RYR1: variants seen among roughly 807,000 people sequenced by gnomAD.
RYR1 encodes the protein ryanodine receptor 1.
In RYR1, 342 loss-of-function variants were observed where a neutral mutation model predicts 583.5. That is an observed-to-expected ratio of 0.59 (90% CI 0.54 to 0.64). RYR1 has a LOEUF of 0.64. Ranked by LOEUF, RYR1 falls within the 30% of genes least tolerant of loss-of-function variation. The probability of loss-of-function intolerance (pLI) is 0.00; values close to 1 mark genes in which losing one functional copy is unlikely to be tolerated. For synonymous variants in RYR1, 2,791 were observed against 2,822.5 expected, an observed-to-expected ratio of 0.99 and a Z score of 0.35; for missense variants, 6,032 against 6,917.2, an observed-to-expected ratio of 0.87 and a Z score of 4.54.
intron 2 of RYR1, among the ~76,000 whole-genome samples, 188 bp from the exon 3 acceptor site, chr19:38,442,161 C>T (rs1400036836): frequency 1.6e-5 from 2 of 127,602 alleles, no homozygotes; most frequent in African/African-American, 3.0e-5. Flanking sequence ...GAGGTGTTTT[C>T]GTGATGTTGG....
rs527383883 is a variant in RYR1, at chr19:38,486,175, T to C, written c.5520T>C (p.Pro1840=). ...VGGSVEFQFV[P]VLKLVSTLLV... ...GCTCCGTGGAGTTCCAGTTTGTGCCTGTGCTCAAGCTCGTGTCCACCCTGC... is the reference window on the plus strand; with the variant it reads ...GCTCCGTGGAGTTCCAGTTTGTGCCCGTGCTCAAGCTCGTGTCCACCCTGC... Residue 1840 remains proline (P), a synonymous_variant, in exon 34 of 106, where the codon CCT becomes CCC. Transcript: ENST00000359596. The C allele has an allele frequency of 3.7e-6, 6 of 1,613,016 alleles. No individual in the cohort carries two copies. Among genetic ancestry groups the C allele is most frequent in the Non-Finnish European group, 5.1e-6 (6 of 1,179,942 alleles).
At chr19:38,455,778 T>C (rs1443332294) in intron 16 of RYR1, 27 bp downstream of exon 16, 1 of 1,370,892 alleles carries the variant, frequency 7.3e-7, no homozygotes, top group Non-Finnish European at 1.0e-6. Context: ...TGACCTCTCA[T>C]CCCCTGAACT....
chr19:38,516,185 T>C lies in RYR1; in HGVS notation c.9653T>C (p.Val3218Ala), dbSNP rs1281524830. 6.3e-7 allele frequency: 1 copy of C among 1,574,864 alleles called. No homozygotes were observed. Among genetic ancestry groups the C allele is most frequent in the Non-Finnish European group, 8.6e-7 (1 of 1,159,882 alleles). ...PQLNEYNACS[V>A]YTTKSPRERA... ...CTGAACGAGTACAACGCCTGCTCCG[T>C]GTACACCACCAAGTCTCCGCGGGAG... Residue 3218 changes from valine (V) to alanine (A), a missense_variant, in exon 65 of 106, where the codon GTG becomes GCG. By Grantham distance (64) the Val-to-Ala change is moderately conservative. Around this residue, in one of 11 missense-constraint regions of RYR1, gnomAD observed 1,493 missense variants for 1,715.5 expected, o/e 0.87. Transcript: ENST00000359596.
chr19:38,469,603 A>C, intron 27 of RYR1, 90 bp downstream of exon 27: 2 of 1,296,906 alleles, frequency 1.5e-6, no homozygotes, highest in Non-Finnish European at 1.1e-6. Context: ...TTTTCCCTCC[A>C]TGTTAGGACA....
At chr19:38,497,091 A>G (rs934125268) in intron 42 of RYR1, 137 bp downstream of exon 42, 7 of 733,206 alleles carry the variant, frequency 9.5e-6, no homozygotes, top group Non-Finnish European at 1.7e-5. Context: ...GAAGGAGACT[A>G]ATTTGCAGGG....
rs1208432120 is a variant in RYR1 at position 38,510,929 on chromosome 19, C to G, written c.9122+148C>G. On this transcript the variant is annotated intron_variant, in intron 60 of 105. Coordinates refer to ENST00000359596, the MANE Select transcript of RYR1 (RefSeq NM_000540.3). ...AAGGGTGACCAGCCATCCTAGTGTA[C>G]CCGGGACTGAAGGGTTTCCCAGGAT... 8.1e-6 allele frequency: 10 copies of G among 1,229,416 alleles called. No homozygotes were observed. The Admixed American group carries it at 2.0e-4, about 25-fold the overall frequency. 76.2% of individuals were successfully genotyped at this position (1,229,416 alleles called of 1,614,324 possible). A position where few individuals can be genotyped will look rare whatever the true frequency, so the allele number is the denominator to read the frequency against.
chr19:38,507,021 G>C, intron 57 of RYR1, 69 bp downstream of exon 57: 1 of 1,607,664 alleles, frequency 6.2e-7, no homozygotes, highest in Non-Finnish European at 8.5e-7. Context: ...GGAAGGGGCG[G>C]GGCCAGAGAG....
intron 84 of RYR1, among the ~76,000 whole-genome samples, chr19:38,542,930 C>G (rs1250898474): frequency 6.6e-6 from 1 of 152,052 alleles, no homozygotes; most frequent in African/African-American, 2.4e-5. Flanking sequence ...CAACCTCTGC[C>G]TCCGGGGTTG....
intron 1 of RYR1, among the ~76,000 whole-genome samples, chr19:38,436,834 C>G (rs867388424): frequency 2.0e-5 from 3 of 152,046 alleles, no homozygotes; most frequent in East Asian, 1.9e-4. Flanking sequence ...CACAGCCCCC[C>G]CAAACTGATT....
chr19:38,526,243 GACA>G (rs1024547405), intron 71 of RYR1, among the ~76,000 whole-genome samples: 59 of 151,998 alleles, frequency 3.9e-4, no homozygotes, highest in African/African-American at 1.3e-3. Flanking sequence ...CCTTGTGTGG[GACA>G]ACAAGGACAA....
At chr19:38,541,737 C>T (rs1248597069) in intron 84 of RYR1, among the ~76,000 whole-genome samples, 1 of 151,706 alleles carries the variant, frequency 6.6e-6, no homozygotes, top group Non-Finnish European at 1.5e-5. Flanking sequence ...GATTTCCTAC[C>T]ATAGATTGCA....
At chr19:38,535,647 A>G in intron 81 of RYR1, 1 of 600,688 alleles carries the variant, frequency 1.7e-6, no homozygotes, top group South Asian at 2.0e-5. Context: ...TTTAAGGGGA[A>G]CTTGGCAGTG....
In RYR1 at chr19:38,587,468, A is replaced by C; in HGVS notation, c.*48A>C. On this transcript the variant is annotated 3_prime_UTR_variant, in exon 106 of 106. Transcript: ENST00000359596. ...CCCCCACCTCAAGTGCCTTATTCTC[A>C]CAGCAAGCCCCTTAGTCCCCAAGCC... The C allele has an allele frequency of 1.5e-4, 213 of 1,386,296 alleles. No individual in the cohort carries two copies. Among genetic ancestry groups the C allele is most frequent in the Non-Finnish European group, 2.1e-4 (202 of 973,608 alleles). The allele number at this position is 1,386,296 out of a possible 1,614,324, so 85.9% of individuals were successfully genotyped here.
chr19:38,511,523 C>T (rs754004176), intron 60 of RYR1, 38 bp from the exon 61 acceptor site: 1 of 1,611,828 alleles, frequency 6.2e-7, no homozygotes, highest in Non-Finnish European at 8.5e-7. Flanking sequence ...TCCTCACTCG[C>T]TGTTTCTCCT....
At chr19:38,580,899 ATTTTT>A (rs74176451) in intron 101 of RYR1, among the ~76,000 whole-genome samples, 1 of 132,808 alleles carries the variant, frequency 7.5e-6, no homozygotes, top group Admixed American at 7.8e-5. Context: ...TGCCAGGCAC[ATTTTT>A]TTTTTTTTTT....
intron 35 of RYR1, among the ~76,000 whole-genome samples, chr19:38,489,721 CG>C (rs1300593645): frequency 1.3e-5 from 2 of 152,122 alleles, no homozygotes; most frequent in Non-Finnish European, 2.9e-5. Context: ...CTCCGCCTCC[CG>C]GGTTCAAGCA....
chr19:38,528,678 A>G lies in RYR1; in HGVS notation c.11017A>G (p.Met3673Val). 1.2e-6 allele frequency: 2 copies of G among 1,614,066 alleles called. No individual in the cohort carries two copies. The highest frequency in any genetic ancestry group is 4.5e-5 in the East Asian group (2 of 44,880). The part of the protein sequence containing the change: ...LTEDHSFEDR[M>V]IDDLSKAGEQ... ...TGAAGACCACAGTTTTGAGGACCGCATGATAGATGACCTTTCAGTGAGCTG... is the reference window on the plus strand; with the variant it reads ...TGAAGACCACAGTTTTGAGGACCGCGTGATAGATGACCTTTCAGTGAGCTG... The change falls in exon 75 of 106, where the codon ATG becomes GTG. Residue 3673 changes from methionine to valine, a missense_variant. Coordinates refer to ENST00000359596, the MANE Select transcript of RYR1 (RefSeq NM_000540.3).
At chr19:38,475,889 G>A (rs950142213) in intron 29 of RYR1, among the ~76,000 whole-genome samples, 2 of 152,242 alleles carry the variant, frequency 1.3e-5, no homozygotes, top group Admixed American at 6.5e-5. Flanking sequence ...ACAGCCTAGT[G>A]CAGTGCTCCC....
rs1238215145 is a variant in RYR1, at chr19:38,561,362, GGCCGCATCGAGATCATGGGCGCGTCAC to G, written c.12544_12570del (p.Ile4182_Glu4190del). ...CCTTGAGTACTTCCGCCCCTACCTG[GGCCGCATCGAGATCATGGGCGCGTCAC>G]GCCGCATCGAGCGCATCTACTTCGA... On this transcript the variant is annotated inframe_deletion, in exon 90 of 106. Transcript: ENST00000359596. This position sits in a 1 kb window ranked among gnomAD's most constrained non-coding sequence, Gnocchi z 4.8. The G allele has an allele frequency of 9.3e-6, 15 of 1,613,830 alleles. No individual in the cohort carries two copies. Among genetic ancestry groups the G allele is most frequent in the South Asian group, 2.2e-5 (2 of 91,090 alleles).
Sources: gnomAD v4.1 joint callset for allele counts (sites outside exome capture counted in the v4.1 genomes callset) on GRCh38, gnomAD v4.1.1 for gene constraint, gnomAD v4.1.1 regional missense constraint, Gnocchi (gnomAD v3.1) non-coding constraint, MANE v1.5 for transcripts, NCBI Gene and HGNC (gene_info 2026-07-23, HGNC 2026-07-21) for gene names.